Variants in PIR observed in about 807,000 individuals in gnomAD.
PIR encodes pirin (iron-binding nuclear protein).
A neutral mutation model predicts 24.2 loss-of-function variants in PIR; 22 were observed. The ratio of observed to expected loss-of-function variants is 0.91; its 90% CI spans 0.65 to 1.30. The LOEUF (loss-of-function observed/expected upper bound fraction) is 1.30, where lower values mean the gene tolerates loss of function less well. Ranked by LOEUF, PIR falls within the 50% of genes most tolerant of loss-of-function variation. PIR has a pLI of 0.00. For missense variants in PIR, 220 were observed against 220.3 expected, an observed-to-expected ratio of 1.00 and a Z score of 0.01; for synonymous variants, 80 against 79.6, an observed-to-expected ratio of 1.00 and a Z score of -0.03.
At chrX:15,456,403 T>A (rs764660516) in intron 4 of PIR, among the ~76,000 whole-genome samples, 1 of 111,938 alleles carries the variant, frequency 8.9e-6, no homozygotes, top group Non-Finnish European at 1.9e-5. Context: ...ACTTAAGTAG[T>A]GAAAAAAGCA....
Position 15,433,564 on chromosome X carries a change from G to A in PIR, c.481-7574C>T, listed in dbSNP as rs771732630. 4.6e-3 allele frequency among the ~76,000 whole-genome samples: 379 copies of A among 83,012 alleles called. 6 individuals are homozygous for A. Among genetic ancestry groups the A allele is most frequent in the African/African-American group, 0.014 (292 of 20,984 alleles). The allele number at this position is 83,012 out of a possible 115,157, so 72.1% of individuals were successfully genotyped here. A position where few individuals can be genotyped will look rare whatever the true frequency, so the allele number is the denominator to read the frequency against. On this transcript the variant is annotated intron_variant, in intron 5 of 9. Transcript: ENST00000380420. ...AGAAAGAGAGAGAAAGAAAGAAAGA[G>A]AGAGAAAGAAAGAAATGAGGAGGAG...
intron 5 of PIR, among the ~76,000 whole-genome samples, chrX:15,441,284 A>C (rs1159412690): frequency 8.9e-6 from 1 of 112,155 alleles, no homozygotes; most frequent in African/African-American, 3.2e-5. Context: ...TTAGATCAGA[A>C]CTTTACTTTT....
intron 3 of PIR, among the ~76,000 whole-genome samples, chrX:15,476,948 AT>A (rs1238725359): frequency 3.6e-5 from 4 of 111,921 alleles, no homozygotes; most frequent in African/African-American, 6.5e-5. Context: ...TTTAAATAAT[AT>A]TTTTTAAATG....
rs148062283 is a variant in PIR at position 15,406,010 on chromosome X, T to C, written c.610+1496A>G. Among the ~76,000 whole-genome samples, 671 of 113,058 alleles carry C rather than the reference T, an allele frequency of 5.9e-3. 4 individuals are homozygous for C. The highest frequency in any genetic ancestry group is 0.02 in the African/African-American group (628 of 31,175). ...AAATAGCTCTGGGTGTGGCCTTCTA[T>C]CCCTGAGCAGATGTTATCTGTCAGC... is the stretch of plus-strand genomic sequence containing the variant. On this transcript the variant is annotated intron_variant, in intron 7 of 9. Transcript: ENST00000380420.
In PIR at chrX:15,422,349, G is replaced by T. The variant is rs192232748; in HGVS notation, c.565+3557C>A. 1.6e-3 allele frequency among the ~76,000 whole-genome samples: 173 copies of T among 107,136 alleles called. 1 individual carries two copies. Among genetic ancestry groups the T allele is most frequent in the African/African-American group, 5.6e-3 (165 of 29,710 alleles). 93.0% of individuals were successfully genotyped at this position (107,136 alleles called of 115,157 possible). ...AGGCAAGAGAAAAAAAAAAAACAAA[G>T]GGCATTCAAATAAGAAAGGAAGAAG... is the stretch of plus-strand genomic sequence containing the variant. On this transcript the variant is annotated intron_variant, in intron 6 of 9. Coordinates refer to ENST00000380420, the MANE Select transcript of PIR (RefSeq NM_001018109.3).
At chrX:15,461,417 A>G (rs183822132) in intron 3 of PIR, among the ~76,000 whole-genome samples, 150 of 113,076 alleles carry the variant, frequency 1.3e-3, no homozygotes, top group Non-Finnish European at 2.4e-3. Context: ...AAAAATGGAA[A>G]GAAATTCTAT....
At chrX:15,470,231 A>T (rs1472880963) in intron 3 of PIR, among the ~76,000 whole-genome samples, 1 of 111,367 alleles carries the variant, frequency 9.0e-6, no homozygotes, top group Non-Finnish European at 1.9e-5. Flanking sequence ...GGGAGATAAC[A>T]ATTTTTACTT....
At chrX:15,474,102 A>G (rs892750302) in intron 3 of PIR, among the ~76,000 whole-genome samples, 1 of 112,364 alleles carries the variant, frequency 8.9e-6, no homozygotes, top group African/African-American at 3.2e-5. Context: ...AAAAAAAATG[A>G]TTAGCAGATC....
chrX:15,483,164 C>CATATATATATATAT (rs772910331), intron 2 of PIR, among the ~76,000 whole-genome samples: 1 of 56,935 alleles, frequency 1.8e-5, no homozygotes, highest in African/African-American at 5.9e-5. Context: ...ATACATTATA[C>CATATATATATATAT]ATATATATAT....
chrX:15,398,136 T>C (rs963152908), intron 7 of PIR, among the ~76,000 whole-genome samples: 1 of 110,805 alleles, frequency 9.0e-6, no homozygotes, highest in Non-Finnish European at 1.9e-5. Context: ...TTAGGAGATA[T>C]ACCTAATGTA....
At chrX:15,458,428 C>T (rs1011683895) in intron 4 of PIR, among the ~76,000 whole-genome samples, 4 of 111,046 alleles carry the variant, frequency 3.6e-5, no homozygotes, top group African/African-American at 1.3e-4. Flanking sequence ...ATCGCTTGAG[C>T]CTAGGAGTTT....
At chrX:15,454,851 G>T (rs138817725) in intron 5 of PIR, among the ~76,000 whole-genome samples, 217 of 111,602 alleles carry the variant, frequency 1.9e-3, no homozygotes, top group Non-Finnish European at 3.2e-3. Context: ...AAAGTTAATG[G>T]CCATAACCAA....
At chrX:15,427,706 A>G (rs1481248043) in intron 5 of PIR, among the ~76,000 whole-genome samples, 3 of 110,401 alleles carry the variant, frequency 2.7e-5, no homozygotes, top group Non-Finnish European at 5.7e-5. Context: ...ACACACACAC[A>G]CACACACACA....
intron 5 of PIR, among the ~76,000 whole-genome samples, chrX:15,428,723 G>C (rs1925404368): frequency 9.0e-6 from 1 of 111,013 alleles, no homozygotes; most frequent in South Asian, 3.9e-4. Flanking sequence ...TGCCCAGGCT[G>C]GTTTCGGACT....
chrX:15,425,253 G>A (rs770755903), intron 6 of PIR, among the ~76,000 whole-genome samples: 1 of 109,530 alleles, frequency 9.1e-6, no homozygotes, highest in East Asian at 2.9e-4. Context: ...AGGAGACAGG[G>A]GTGTTTTCCT....
intron 9 of PIR, among the ~76,000 whole-genome samples, chrX:15,386,828 A>G (rs1456519208): frequency 9.0e-6 from 1 of 110,853 alleles, no homozygotes; most frequent in Non-Finnish European, 1.9e-5. Flanking sequence ...ATCTACAGGA[A>G]GAAGTTTGGA....
intron 7 of PIR, among the ~76,000 whole-genome samples, chrX:15,400,417 T>C (rs961112907): frequency 8.9e-6 from 1 of 111,982 alleles, no homozygotes; most frequent in African/African-American, 3.2e-5. Context: ...AATTTTGTCA[T>C]GTAGGATGTT....
In PIR at chrX:15,399,109, T is replaced by C. The variant is rs1044835277; in HGVS notation, c.611-1578A>G. 5.4e-5 allele frequency among the ~76,000 whole-genome samples: 6 copies of C among 111,272 alleles called. No individual in the cohort carries two copies. The Admixed American group carries it at 5.7e-4, about 11-fold the overall frequency. Reference sequence around the variant, plus strand: ...CTTGCAGTTGGGAAAAACCCTGATATGTTAATGGGCAGGAGAGAGAAGGTT... The same window carrying C: ...CTTGCAGTTGGGAAAAACCCTGATACGTTAATGGGCAGGAGAGAGAAGGTT... On this transcript the variant is annotated intron_variant, in intron 7 of 9. Transcript: ENST00000380420.
At chrX:15,431,221 A>AC (rs773175376) in intron 5 of PIR, among the ~76,000 whole-genome samples, 3 of 110,841 alleles carry the variant, frequency 2.7e-5, no homozygotes, top group Non-Finnish European at 5.7e-5. Flanking sequence ...CTAGACACAC[A>AC]CCCCCCATTT....
Sources: allele counts gnomAD v4.1 joint callset (sites outside exome capture counted in the v4.1 genomes callset), GRCh38; gene constraint gnomAD v4.1.1; transcripts MANE v1.5; gene names NCBI Gene and HGNC (gene_info 2026-07-23, HGNC 2026-07-21).